The following MTRF1 variants were observed in gnomAD, a reference collection of about 807,000 sequenced individuals.
MTRF1 encodes mitochondrial translation release factor 1, also known as peptide chain release factor 1, mitochondrial.
A neutral mutation model predicts 62.9 loss-of-function variants in MTRF1; 51 were observed. The ratio of observed to expected loss-of-function variants is 0.81; its 90% CI spans 0.65 to 1.02. The LOEUF (loss-of-function observed/expected upper bound fraction) is 1.02. Among genes scored for constraint, MTRF1 ranks in the 50% least tolerant of loss-of-function variants. The pLI is 0.00. For synonymous variants in MTRF1, 158 were observed against 181.9 expected (o/e 0.87, Z 1.06); for missense variants, 446 against 530.0 (o/e 0.84, Z 1.56).
At chr13:41,238,263 G>A (rs536718922) in intron 6 of MTRF1, among the ~76,000 whole-genome samples, 1 of 152,234 alleles carries the variant, frequency 6.6e-6, no homozygotes, top group East Asian at 1.9e-4. Flanking sequence ...AAGCATAGAT[G>A]CACTCAAATG....
In MTRF1 at chr13:41,263,555, A is replaced by C. The variant is rs1391002884; in HGVS notation, c.-79T>G. ...AACCTTCCGAGACCCGCCACATTTC[A>C]GCCCGACAAACCCGAGATCACGTTC... is the stretch of plus-strand genomic sequence containing the variant. On this transcript the variant is annotated 5_prime_UTR_variant, in exon 1 of 10. Coordinates refer to ENST00000379480, the MANE Select transcript of MTRF1 (RefSeq NM_004294.4). 2 of 214,870 alleles carry C rather than the reference A, an allele frequency of 9.3e-6. No homozygotes were observed. Among genetic ancestry groups the C allele is most frequent in the Non-Finnish European group, 1.9e-5 (2 of 103,176 alleles). 13.3% of individuals were successfully genotyped at this position (214,870 alleles called of 1,614,324 possible).
At chr13:41,255,065 T>C (rs1254359983) in intron 2 of MTRF1, among the ~76,000 whole-genome samples, 1 of 152,166 alleles carries the variant, frequency 6.6e-6, no homozygotes, top group African/African-American at 2.4e-5. Context: ...TGGAGCAAAC[T>C]GGAGTGAGCA....
chr13:41,249,783 C>T (rs997354861), intron 5 of MTRF1, among the ~76,000 whole-genome samples: 2 of 151,454 alleles, frequency 1.3e-5, no homozygotes, highest in East Asian at 2.0e-4. Context: ...CGCACTGCCA[C>T]GCCTGGCCAA....
intron 3 of MTRF1, among the ~76,000 whole-genome samples, chr13:41,253,884 T>G (rs1282005617): frequency 6.6e-6 from 1 of 152,168 alleles, no homozygotes; most frequent in East Asian, 1.9e-4. Flanking sequence ...TAAGAAACAC[T>G]GAAGGTAGGA....
At chr13:41,307,017 A>G in the MTRF1 span, among the ~76,000 whole-genome samples, 1 of 152,230 alleles carries the variant, frequency 6.6e-6, no homozygotes, top group Non-Finnish European at 1.5e-5. Context: ...ATAAGATTAT[A>G]GTTACTGGTT....
chr13:41,258,575 CAA>C (rs11320576), intron 2 of MTRF1, among the ~76,000 whole-genome samples: 13 of 133,112 alleles, frequency 9.8e-5, no homozygotes, highest in Admixed American at 1.5e-4. Context: ...AAAAAAAAAA[CAA>C]AAAAAAAAAA....
chr13:41,237,786 C>T (rs1420045980), intron 6 of MTRF1, among the ~76,000 whole-genome samples: 3 of 152,194 alleles, frequency 2.0e-5, no homozygotes, highest in Non-Finnish European at 4.4e-5. Flanking sequence ...AGGCGTGAGC[C>T]ACCACACCCA....
chr13:41,297,214 T>C, the MTRF1 span, among the ~76,000 whole-genome samples: 1 of 152,206 alleles, frequency 6.6e-6, no homozygotes, highest in Non-Finnish European at 1.5e-5. Flanking sequence ...ATTCTTTTTG[T>C]ATTTTGTTTT....
the MTRF1 span, among the ~76,000 whole-genome samples, chr13:41,275,545 T>C: frequency 6.7e-6 from 1 of 148,646 alleles, no homozygotes; most frequent in Non-Finnish European, 1.5e-5. Flanking sequence ...CAGGCTGGAG[T>C]GCAGCAGCGT....
the MTRF1 span, among the ~76,000 whole-genome samples, chr13:41,279,315 T>C: frequency 6.6e-6 from 1 of 152,176 alleles, no homozygotes; most frequent in Admixed American, 6.6e-5. Flanking sequence ...GAAGAAACAT[T>C]TACAATGATT....
intron 2 of MTRF1, among the ~76,000 whole-genome samples, chr13:41,256,614 G>A (rs9532757): frequency 0.048 from 7,259 of 152,044 alleles, 246 homozygotes; most frequent in Middle Eastern, 0.092. Flanking sequence ...ATGAGCCACC[G>A]CACCCGGCCT....
At position 41,233,758 on chromosome 13, in the gene MTRF1, C is replaced by T. The variant is rs995391174; in HGVS notation, c.988+132G>A. 178 of 720,626 alleles carry T rather than the reference C, an allele frequency of 2.5e-4. 3 individuals carry two copies. Among genetic ancestry groups the T allele is most frequent in the South Asian group, 1.3e-3 (75 of 57,950 alleles). 44.6% of individuals were successfully genotyped at this position (720,626 alleles called of 1,614,324 possible). A position where few individuals can be genotyped will look rare whatever the true frequency, so the allele number is the denominator to read the frequency against. ...GGGAAATATGAACACAATAGCCATC[C>T]TGATCCACAACCCCAGTGACATTTT... On this transcript the variant is annotated intron_variant, in intron 7 of 9. Coordinates refer to ENST00000379480, the MANE Select transcript of MTRF1 (RefSeq NM_004294.4).
intron 8 of MTRF1, among the ~76,000 whole-genome samples, chr13:41,225,954 C>G (rs2034346352): frequency 6.6e-6 from 1 of 150,554 alleles, no homozygotes; most frequent in African/African-American, 2.4e-5. Context: ...TCAAAAAGTA[C>G]CAAATGGTAC....
chr13:41,295,683 T>C, the MTRF1 span, among the ~76,000 whole-genome samples: 1 of 152,240 alleles, frequency 6.6e-6, no homozygotes, highest in East Asian at 1.9e-4. Context: ...GTAACTTCTA[T>C]ATAGCTTTTG....
chr13:41,226,452 G>T lies in MTRF1; in HGVS notation c.1105C>A (p.Gln369Lys). Reference protein sequence around the residue: ...QIIEKDKRQQQSARKLQVGTR... With the variant: ...QIIEKDKRQQKSARKLQVGTR... ...CTTACCTGCAGTTTTCTAGCACTTT[G>T]TTGCTGACGCTTGTCTTTCTCAATA... The change falls in exon 8 of 10, where the codon CAA (glutamine) becomes AAA (lysine). Residue 369 changes from glutamine to lysine, a missense_variant. Gln to Lys is a moderately conservative substitution (Grantham distance 53, BLOSUM62 1). Transcript: ENST00000379480. 1 of 1,611,564 alleles carries T rather than the reference G, an allele frequency of 6.2e-7. No homozygotes were observed. Among genetic ancestry groups the T allele is most frequent in the Non-Finnish European group, 8.5e-7 (1 of 1,179,572 alleles).
Position 41,217,159 on chromosome 13 carries a change from C to T in MTRF1, c.1294G>A (p.Ala432Thr). 6.2e-7 allele frequency: 1 copy of T among 1,608,796 alleles called. No individual in the cohort carries two copies. Among genetic ancestry groups the T allele is most frequent in the South Asian group, 1.1e-5 (1 of 89,904 alleles). The change falls in exon 10 of 10, where the codon GCC becomes ACC. Residue 432 changes from alanine to threonine, a missense_variant. Physicochemically the swap from Ala to Thr is moderately conservative, Grantham distance 58 (BLOSUM62 0). Coordinates refer to ENST00000379480, the MANE Select transcript of MTRF1 (RefSeq NM_004294.4). ...TGTTCATCCAAAAGTTCAGCAATGG[C>T]TTCTTCATCTGCTGATTGAAGCAGT... ...QRLLQSADEEAIAELLDEHLK... is the reference protein window; with the variant it reads ...QRLLQSADEETIAELLDEHLK...
intron 9 of MTRF1, 94 bp downstream of exon 9, chr13:41,223,162 A>T: frequency 1.4e-6 from 1 of 726,058 alleles, no homozygotes; most frequent in Non-Finnish European, 2.1e-6. Context: ...GTAATATTTT[A>T]GATATACTTG....
At chr13:41,228,243 G>T (rs189638267) in intron 7 of MTRF1, among the ~76,000 whole-genome samples, 2 of 152,200 alleles carry the variant, frequency 1.3e-5, no homozygotes, top group East Asian at 3.9e-4. Flanking sequence ...CTTAAGAATA[G>T]AAGATGTAGA....
Position 41,216,505 on chromosome 13 carries a change from T to G in MTRF1, c.*610A>C, listed in dbSNP as rs981717228. The G allele has an allele frequency of 6.6e-6, 1 of 152,114 alleles. No homozygotes were observed. The highest frequency in any genetic ancestry group is 1.5e-5 in the Non-Finnish European group (1 of 68,028). The allele number at this position is 152,114 out of a possible 1,614,324, so 9.4% of individuals were successfully genotyped here. ...CATAATTTTTATTTAAAAGTTGCAG[T>G]CTAAGTCTTAACTTTAACATGATTA... is the stretch of plus-strand genomic sequence containing the variant. On this transcript the variant is annotated 3_prime_UTR_variant, in exon 10 of 10. Transcript: ENST00000379480.
Sources: gnomAD v4.1 joint callset for allele counts (sites outside exome capture counted in the v4.1 genomes callset) on GRCh38, gnomAD v4.1.1 for gene constraint, MANE v1.5 for transcripts, NCBI Gene and HGNC (gene_info 2026-07-23, HGNC 2026-07-21) for gene names.